The following RBFOX1 variants were observed in gnomAD, a reference collection of about 807,000 sequenced individuals.
The protein encoded by RBFOX1 is RNA binding fox-1 homolog 1.
RBFOX1 carries 8 observed loss-of-function variants against 57.7 expected under a neutral mutation model. The ratio of observed to expected loss-of-function variants is 0.14; its 90% CI spans 0.08 to 0.25. The LOEUF (loss-of-function observed/expected upper bound fraction) is 0.25. Ranked by LOEUF, RBFOX1 falls within the 10% of genes least tolerant of loss-of-function variation. The probability of loss-of-function intolerance (pLI) is 1.00; values close to 1 mark genes in which losing one functional copy is unlikely to be tolerated. For missense variants in RBFOX1, 611 were observed against 548.5 expected, an observed-to-expected ratio of 1.11 and a Z score of -1.14; for synonymous variants, 326 against 222.4, an observed-to-expected ratio of 1.47 and a Z score of -4.15.
At chr16:5,454,771 T>TTCTTTCTTTCTTTCTTTC (rs1247277102) in intron 1 of RBFOX1, among the ~76,000 whole-genome samples, 3 of 143,412 alleles carry the variant, frequency 2.1e-5, no homozygotes, top group Non-Finnish European at 4.6e-5. Context: ...TTCTTTCTCT[T>TTCTTTCTTTCTTTCTTTC]TCTTTCTTTC....
At chr16:7,221,797 A>C (rs1387859576) in intron 4 of RBFOX1, among the ~76,000 whole-genome samples, 1 of 152,244 alleles carries the variant, frequency 6.6e-6, no homozygotes. Context: ...ATCTTTTACA[A>C]GCGAGATCTA....
chr16:7,191,561 A>G (rs1180629018), intron 4 of RBFOX1, among the ~76,000 whole-genome samples: 1 of 152,224 alleles, frequency 6.6e-6, no homozygotes, highest in African/African-American at 2.4e-5. Context: ...CTGTTATTTT[A>G]CATATCATCT....
chr16:6,351,597 C>T (rs1432172339), intron 2 of RBFOX1, among the ~76,000 whole-genome samples: 7 of 151,864 alleles, frequency 4.6e-5, no homozygotes, highest in Non-Finnish European at 5.9e-5. Flanking sequence ...TGGTCTCGAA[C>T]TCCTGACCTC....
intron 3 of RBFOX1, among the ~76,000 whole-genome samples, chr16:6,894,798 A>G (rs1165687521): frequency 6.6e-6 from 1 of 152,162 alleles, no homozygotes; most frequent in Non-Finnish European, 1.5e-5. Flanking sequence ...CTGTGTTTGT[A>G]ATTGTATTTT....
intron 4 of RBFOX1, among the ~76,000 whole-genome samples, chr16:6,010,202 C>G (rs1323766089): frequency 6.6e-6 from 1 of 152,134 alleles, no homozygotes; most frequent in East Asian, 1.9e-4. Context: ...CCTGACAACT[C>G]TCTTTGGTCG....
chr16:5,934,369 T>C (rs781595852), intron 4 of RBFOX1, among the ~76,000 whole-genome samples: 2 of 152,254 alleles, frequency 1.3e-5, no homozygotes, highest in Admixed American at 6.5e-5. Flanking sequence ...TTATTCTTTA[T>C]GGCAGCTGGT....
rs114329031 is a variant in RBFOX1 at position 7,664,907 on chromosome 16, C to T, written c.891-22C>T. 640 of 1,613,914 alleles carry T rather than the reference C, an allele frequency of 4.0e-4. 6 individuals carry two copies. The African/African-American group carries it at 7.7e-3, about 19-fold the overall frequency. On this transcript the variant is annotated intron_variant, in intron 12 of 15. Transcript: ENST00000550418. ...GAAATGCACTAATATGGATGTTTCT[C>T]TTTGTGTGTGCACCCTTGCAGTGTT...
chr16:6,023,773 A>G (rs1329263706), intron 1 of RBFOX1, among the ~76,000 whole-genome samples: 2 of 152,146 alleles, frequency 1.3e-5, no homozygotes, highest in East Asian at 3.9e-4. Context: ...TCGCTTTCAC[A>G]TTTACCCACA....
chr16:5,894,994 G>T (rs922574832), intron 4 of RBFOX1, among the ~76,000 whole-genome samples: 7 of 152,120 alleles, frequency 4.6e-5, no homozygotes, highest in Middle Eastern at 3.4e-3. Flanking sequence ...CTGCACTCCA[G>T]CCTGGGCAAC....
chr16:7,442,745 A>T (rs2149940023), intron 4 of RBFOX1, among the ~76,000 whole-genome samples: 1 of 152,228 alleles, frequency 6.6e-6, no homozygotes, highest in Admixed American at 6.5e-5. Context: ...AACGAGAAAG[A>T]CCTGGTTGCT....
intron 4 of RBFOX1, among the ~76,000 whole-genome samples, chr16:7,484,274 A>G (rs1258109629): frequency 1.3e-5 from 2 of 152,206 alleles, no homozygotes; most frequent in East Asian, 1.9e-4. Context: ...GTTTTTGGCT[A>G]TTAAGAATGC....
chr16:6,580,882 G>C (rs1007808918), intron 2 of RBFOX1, among the ~76,000 whole-genome samples: 1 of 147,636 alleles, frequency 6.8e-6, no homozygotes, highest in Non-Finnish European at 1.5e-5. Context: ...TTTCCAGAAA[G>C]ACCCTGCATA....
At chr16:6,239,859 T>C (rs565685858) in intron 1 of RBFOX1, among the ~76,000 whole-genome samples, 1 of 152,224 alleles carries the variant, frequency 6.6e-6, no homozygotes, top group African/African-American at 2.4e-5. Flanking sequence ...ATTGACATCA[T>C]AAAAATAGGT....
chr16:6,977,528 G>T (rs1011415645), intron 3 of RBFOX1, among the ~76,000 whole-genome samples: 1 of 151,940 alleles, frequency 6.6e-6, no homozygotes, highest in Non-Finnish European at 1.5e-5. Context: ...ACTCAAAATG[G>T]AGTCACTGTA....
At chr16:5,695,076 A>G (rs998410245) in intron 3 of RBFOX1, among the ~76,000 whole-genome samples, 1 of 152,040 alleles carries the variant, frequency 6.6e-6, no homozygotes, top group African/African-American at 2.4e-5. Context: ...TTTATTGATA[A>G]ATTGGCAAAT....
At chr16:6,724,334 C>G (rs536234009) in intron 3 of RBFOX1, among the ~76,000 whole-genome samples, 59 of 152,012 alleles carry the variant, frequency 3.9e-4, no homozygotes, top group African/African-American at 1.4e-3. Context: ...CTCAGCCTCC[C>G]CAGTTGGTGG....
At chr16:6,711,610 T>A (rs2063731962) in intron 3 of RBFOX1, among the ~76,000 whole-genome samples, 1 of 152,138 alleles carries the variant, frequency 6.6e-6, no homozygotes, top group Non-Finnish European at 1.5e-5. Flanking sequence ...TACTTCCCCT[T>A]CGCCTTCCAC....
At chr16:5,541,380 C>A (rs985512247) in intron 2 of RBFOX1, among the ~76,000 whole-genome samples, 31 of 151,922 alleles carry the variant, frequency 2.0e-4, no homozygotes, top group African/African-American at 7.5e-4. Context: ...TGACATGTGC[C>A]CAAGGTAGTC....
rs2083898032 is a variant in RBFOX1 at position 7,710,838 on chromosome 16, CA to C, written c.*95del. On this transcript the variant is annotated 3_prime_UTR_variant, in exon 16 of 16. Transcript: ENST00000550418. Reference sequence around the variant, plus strand: ...TACATGCAGTAGTACATCATTTTAGCAACTCTAAAAAAAAAAAAAATACAAA... The same window carrying C: ...TACATGCAGTAGTACATCATTTTAGCACTCTAAAAAAAAAAAAAATACAAA... The C allele has an allele frequency of 2.1e-6, 2 of 951,934 alleles. No individual in the cohort carries two copies. Among genetic ancestry groups the C allele is most frequent in the African/African-American group, 2.6e-5 (1 of 38,356 alleles). 59.0% of individuals were successfully genotyped at this position (951,934 alleles called of 1,614,324 possible).
Sources: gnomAD v4.1 joint callset for allele counts (sites outside exome capture counted in the v4.1 genomes callset) on GRCh38, gnomAD v4.1.1 for gene constraint, MANE v1.5 for transcripts, NCBI Gene and HGNC (gene_info 2026-07-23, HGNC 2026-07-21) for gene names.